Variants in RGL1 observed in about 807,000 individuals in gnomAD.
The protein encoded by RGL1 is ral guanine nucleotide dissociation stimulator like 1.
In RGL1, 24 loss-of-function variants were observed where a neutral mutation model predicts 95.2. The observed-to-expected ratio is 0.25, with a 90% CI of 0.18 to 0.35. The LOEUF is 0.35. Among genes scored for constraint, RGL1 ranks in the 10% least tolerant of loss-of-function variants. RGL1 has a pLI of 1.00. For synonymous variants in RGL1, 329 were observed against 344.9 expected (o/e 0.95, Z 0.51); for missense variants, 715 against 936.3 (o/e 0.76, Z 3.08).
intron 2 of RGL1, among the ~76,000 whole-genome samples, chr1:183,760,807 C>G (rs1330619959): frequency 6.6e-6 from 1 of 152,138 alleles, no homozygotes; most frequent in Non-Finnish European, 1.5e-5. Context: ...GCTACTTTAT[C>G]AACTAAGTTT....
intron 2 of RGL1, among the ~76,000 whole-genome samples, chr1:183,784,277 A>G (rs146961579): frequency 1.3e-5 from 2 of 152,322 alleles, no homozygotes; most frequent in African/African-American, 4.8e-5. Flanking sequence ...ACAAGTCTCA[A>G]GGAGGGAAGG....
intron 2 of RGL1, among the ~76,000 whole-genome samples, chr1:183,753,246 C>G (rs1658132824): frequency 6.6e-6 from 1 of 152,104 alleles, no homozygotes; most frequent in South Asian, 2.1e-4. Flanking sequence ...TTTAATCTGT[C>G]CTTTAACTCA....
In RGL1 at chr1:183,661,676, G is replaced by A. The variant is rs572181919; in HGVS notation, c.-33+25175G>A. ...CCTTCTGAAAGTATTCCAATCAATA[G>A]AAAAGAGGGAATCCTCCCTAACTCA... On this transcript the variant is annotated intron_variant, in intron 1 of 18. Coordinates refer to the RGL1 transcript ENST00000304685. Among the ~76,000 whole-genome samples the A allele has an allele frequency of 3.5e-5, 5 of 142,754 alleles. No homozygotes were observed. In the South Asian group the frequency reaches 1.1e-3, roughly 31 times the overall value. The allele number at this position is 142,754 out of a possible 152,430, so 93.7% of individuals were successfully genotyped here.
chr1:183,652,768 T>C (rs1650856719), intron 1 of RGL1, among the ~76,000 whole-genome samples: 1 of 152,204 alleles, frequency 6.6e-6, no homozygotes, highest in Non-Finnish European at 1.5e-5. Flanking sequence ...ATACATGTTA[T>C]ACTCTGTAGA....
intron 2 of RGL1, among the ~76,000 whole-genome samples, chr1:183,772,947 T>G (rs1659365511): frequency 7.1e-6 from 1 of 140,350 alleles, no homozygotes; most frequent in Non-Finnish European, 1.5e-5. Flanking sequence ...AAGCGGAGCT[T>G]GCAGTGAGCC....
intron 1 of RGL1, among the ~76,000 whole-genome samples, chr1:183,656,474 A>T (rs1047919654): frequency 2.6e-5 from 4 of 152,244 alleles, no homozygotes; most frequent in Admixed American, 6.5e-5. Flanking sequence ...CTCTTGTACC[A>T]ATCACCAAGT....
At chr1:183,749,073 G>A (rs1054941729) in intron 2 of RGL1, among the ~76,000 whole-genome samples, 2 of 152,156 alleles carry the variant, frequency 1.3e-5, no homozygotes, top group African/African-American at 4.8e-5. Flanking sequence ...GTGCTATGTG[G>A]TACTGAGAAG....
intron 1 of RGL1, among the ~76,000 whole-genome samples, chr1:183,638,709 A>G (rs1013397294): frequency 2.6e-5 from 4 of 152,206 alleles, no homozygotes; most frequent in Non-Finnish European, 4.4e-5. Flanking sequence ...TTACCCTGAT[A>G]TAAAAGATTT....
At chr1:183,847,873 G>GAT in intron 3 of RGL1, 99 bp downstream of exon 3, 1 of 849,256 alleles carries the variant, frequency 1.2e-6, no homozygotes, top group African/African-American at 1.7e-5. Flanking sequence ...TTCGGAGAGA[G>GAT]ATATGTGAGG....
chr1:183,845,532 G>C (rs923725206), intron 2 of RGL1, among the ~76,000 whole-genome samples: 1 of 152,138 alleles, frequency 6.6e-6, no homozygotes, highest in African/African-American at 2.4e-5. Flanking sequence ...TGTGCTAGCT[G>C]CTTCTCGTGA....
intron 1 of RGL1, among the ~76,000 whole-genome samples, chr1:183,721,652 T>C (rs74643228): frequency 0.012 from 1,882 of 152,340 alleles, 48 homozygotes; most frequent in African/African-American, 0.043. Context: ...GCACTCTAAT[T>C]TAGGCACCCT....
intron 1 of RGL1, among the ~76,000 whole-genome samples, chr1:183,639,631 A>T (rs74396897): frequency 0.063 from 9,556 of 151,632 alleles, 507 homozygotes; most frequent in African/African-American, 0.14. Context: ...TAATTTTATG[A>T]TTACACATTA....
At chr1:183,649,978 A>G (rs1650599280) in intron 1 of RGL1, among the ~76,000 whole-genome samples, 1 of 151,656 alleles carries the variant, frequency 6.6e-6, no homozygotes, top group Admixed American at 6.6e-5. Context: ...TGCCCAGATA[A>G]TTTTTTTATT....
chr1:183,819,174 T>C lies in RGL1; in HGVS notation c.138+12689T>C, dbSNP rs918961514. On this transcript the variant is annotated intron_variant, in intron 2 of 17. Coordinates refer to ENST00000360851, the MANE Select transcript of RGL1 (RefSeq NM_001297671.3). Reference sequence around the variant, plus strand: ...GCCTATAATTGGCTTCAAACTTGCATTGACCCACTGTCAAGCCAATAAGGC... The same window carrying C: ...GCCTATAATTGGCTTCAAACTTGCACTGACCCACTGTCAAGCCAATAAGGC... Among the ~76,000 whole-genome samples, 44 of 152,322 alleles carry C rather than the reference T, an allele frequency of 2.9e-4. No individual in the cohort carries two copies. In the East Asian group the frequency reaches 4.0e-3, roughly 14 times the overall value.
chr1:183,850,782 A>T (rs1480250953), intron 3 of RGL1, among the ~76,000 whole-genome samples: 2 of 152,208 alleles, frequency 1.3e-5, no homozygotes, highest in Non-Finnish European at 2.9e-5. Flanking sequence ...TTTCATGTTT[A>T]TAAAAAAATG....
At chr1:183,849,551 C>A (rs919276304) in intron 3 of RGL1, among the ~76,000 whole-genome samples, 2 of 120,768 alleles carry the variant, frequency 1.7e-5, no homozygotes, top group South Asian at 5.8e-4. Flanking sequence ...AGTGCAGTGG[C>A]GTGATCTCGG....
chr1:183,911,939 T>C (rs1396380568), intron 14 of RGL1, 143 bp from the exon 15 acceptor site: 7 of 693,318 alleles, frequency 1.0e-5, no homozygotes, highest in East Asian at 2.7e-5. Context: ...AGAAACTTTA[T>C]AGCGAATGTC....
At chr1:183,771,946 G>C (rs529787159) in intron 2 of RGL1, among the ~76,000 whole-genome samples, 12 of 152,180 alleles carry the variant, frequency 7.9e-5, no homozygotes, top group Non-Finnish European at 5.9e-5. Context: ...GGAACACGCC[G>C]GCGGAAGAGC....
rs530088029 is a variant in RGL1, at chr1:183,840,724, T to A, written c.139-6842T>A. 2.1e-4 allele frequency among the ~76,000 whole-genome samples: 28 copies of A among 133,820 alleles called. No individual in the cohort carries two copies. In the South Asian group the frequency reaches 2.4e-3, roughly 12 times the overall value. The allele number at this position is 133,820 out of a possible 152,430, so 87.8% of individuals were successfully genotyped here. On this transcript the variant is annotated intron_variant, in intron 2 of 17. Transcript: ENST00000360851. The stretch of plus-strand genomic sequence containing the variant: ...AAAAATAAATAAATAAATAAATAAA[T>A]AATAAATAAATAAATAAATAAATTA...
Sources: gnomAD v4.1 joint callset for allele counts (sites outside exome capture counted in the v4.1 genomes callset) on GRCh38, gnomAD v4.1.1 for gene constraint, MANE v1.5 for transcripts, NCBI Gene and HGNC (gene_info 2026-07-23, HGNC 2026-07-21) for gene names.